The following B3GALT1 variants were observed in gnomAD, a reference collection of about 807,000 sequenced individuals.
B3GALT1 encodes the protein UDP-Gal:betaGlcNAc beta 1,3-galactosyltransferase, polypeptide 1.
Under a neutral mutation model 23.2 loss-of-function variants are expected in B3GALT1, and 10 were observed. The observed-to-expected ratio is 0.43, with a 90% CI of 0.27 to 0.73. The LOEUF is 0.73. Ranked by LOEUF, B3GALT1 falls within the 30% of genes least tolerant of loss-of-function variation. B3GALT1 has a pLI of 0.21. For missense variants in B3GALT1, 299 were observed against 405.4 expected (o/e 0.74, Z 2.25); for synonymous variants, 156 against 141.5 (o/e 1.10, Z -0.73).
chr2:167,296,871 T>A (rs1299037910), intron 1 of B3GALT1, among the ~76,000 whole-genome samples: 1 of 152,148 alleles, frequency 6.6e-6, no homozygotes. Flanking sequence ...TTATATAGAA[T>A]ATTTATCTCC....
At chr2:167,788,526 G>A (rs934131479) in intron 3 of B3GALT1, among the ~76,000 whole-genome samples, 1 of 152,032 alleles carries the variant, frequency 6.6e-6, no homozygotes, top group Non-Finnish European at 1.5e-5. Flanking sequence ...TACATGCACA[G>A]TTCACAATAG....
intron 1 of B3GALT1, among the ~76,000 whole-genome samples, chr2:167,336,229 A>G (rs1697055887): frequency 6.6e-6 from 1 of 152,098 alleles, no homozygotes; most frequent in South Asian, 2.1e-4. Context: ...GTTTTATGTA[A>G]TCTAAGATGA....
At chr2:167,600,613 T>A (rs956885383) in intron 2 of B3GALT1, among the ~76,000 whole-genome samples, 1 of 152,186 alleles carries the variant, frequency 6.6e-6, no homozygotes, top group Non-Finnish European at 1.5e-5. Context: ...TTGCTGGATA[T>A]CTCATATAAT....
intron 2 of B3GALT1, among the ~76,000 whole-genome samples, chr2:167,615,289 C>T (rs1685141065): frequency 6.6e-6 from 1 of 151,930 alleles, no homozygotes; most frequent in Non-Finnish European, 1.5e-5. Flanking sequence ...CACAGAAAGA[C>T]AAATACTGTG....
chr2:167,611,232 A>G (rs1685060981), intron 2 of B3GALT1, among the ~76,000 whole-genome samples: 1 of 151,998 alleles, frequency 6.6e-6, no homozygotes, highest in Non-Finnish European at 1.5e-5. Flanking sequence ...ATTAATTTTA[A>G]TTGAGAAGTT....
chr2:167,644,211 G>A (rs1685704579), intron 2 of B3GALT1, among the ~76,000 whole-genome samples: 1 of 152,114 alleles, frequency 6.6e-6, no homozygotes, highest in South Asian at 2.1e-4. Context: ...GGAGTAAATG[G>A]TCAAAAGTCA....
intron 2 of B3GALT1, among the ~76,000 whole-genome samples, chr2:167,572,823 G>A (rs1684319642): frequency 6.6e-6 from 1 of 151,796 alleles, no homozygotes; most frequent in Admixed American, 6.6e-5. Context: ...AATGACTTTT[G>A]AAGGGACTAG....
At chr2:167,705,278 T>C (rs891378635) in intron 3 of B3GALT1, among the ~76,000 whole-genome samples, 1 of 152,242 alleles carries the variant, frequency 6.6e-6, no homozygotes, top group African/African-American at 2.4e-5. Flanking sequence ...AGCTGACTTA[T>C]GATAGCTATT....
At chr2:167,776,312 G>A (rs547972008) in intron 3 of B3GALT1, among the ~76,000 whole-genome samples, 111 of 152,208 alleles carry the variant, frequency 7.3e-4, no homozygotes, top group African/African-American at 2.6e-3. Flanking sequence ...ACTATGCTCC[G>A]ACAGAAATGG....
chr2:167,837,526 G>GCAAGT (rs1278729477), intron 4 of B3GALT1, among the ~76,000 whole-genome samples: 2 of 150,940 alleles, frequency 1.3e-5, no homozygotes, highest in African/African-American at 4.9e-5. Context: ...GATTCATAAA[G>GCAAGT]CAAGTCCTGA....
chr2:167,361,956 C>A (rs764853645), intron 1 of B3GALT1, among the ~76,000 whole-genome samples: 1 of 152,012 alleles, frequency 6.6e-6, no homozygotes, highest in Non-Finnish European at 1.5e-5. Flanking sequence ...CGCCCTTGGT[C>A]CCAGCTACTC....
chr2:167,626,192 G>A (rs1685341220), intron 2 of B3GALT1, among the ~76,000 whole-genome samples: 1 of 151,198 alleles, frequency 6.6e-6, no homozygotes, highest in Non-Finnish European at 1.5e-5. Context: ...TAAAGTGACA[G>A]TGGACCTTAG....
At chr2:167,312,205 T>C (rs549559671) in intron 1 of B3GALT1, among the ~76,000 whole-genome samples, 18 of 151,960 alleles carry the variant, frequency 1.2e-4, no homozygotes, top group South Asian at 4.2e-4. Flanking sequence ...CCCAGAGACG[T>C]AGGAAGCAGT....
intron 1 of B3GALT1, among the ~76,000 whole-genome samples, chr2:167,415,331 C>T (rs1052385557): frequency 3.3e-5 from 5 of 152,202 alleles, no homozygotes; most frequent in African/African-American, 1.2e-4. Context: ...CAGGTCTCTG[C>T]AGGAAATCCC....
intron 1 of B3GALT1, among the ~76,000 whole-genome samples, chr2:167,434,340 A>T (rs1175276353): frequency 6.6e-6 from 1 of 152,268 alleles, no homozygotes; most frequent in East Asian, 1.9e-4. Flanking sequence ...CAAAAGTAGG[A>T]AGACTTCCAC....
Position 167,868,916 on chromosome 2 carries a change from C to A in B3GALT1, c.-124C>A, listed in dbSNP as rs771696873. ...GCCACTGAGGCCCATGGACAATCTC[C>A]ACCTCACGCTTCTCTATCAAACTTG... On this transcript the variant is annotated 5_prime_UTR_variant, in exon 5 of 5. Coordinates refer to ENST00000392690, the MANE Select transcript of B3GALT1 (RefSeq NM_020981.4). 1 of 1,187,890 alleles carries A rather than the reference C, an allele frequency of 8.4e-7. No homozygotes were observed. The highest frequency in any genetic ancestry group is 1.2e-6 in the Non-Finnish European group (1 of 850,190). 73.6% of individuals were successfully genotyped at this position (1,187,890 alleles called of 1,614,324 possible). A position where few individuals can be genotyped will look rare whatever the true frequency, so the allele number is the denominator to read the frequency against.
At chr2:167,351,862 A>G (rs2105255903) in intron 1 of B3GALT1, among the ~76,000 whole-genome samples, 1 of 152,258 alleles carries the variant, frequency 6.6e-6, no homozygotes, top group East Asian at 1.9e-4. Flanking sequence ...CTCTTGACAC[A>G]GGTAATAAAC....
At chr2:167,618,948 T>A (rs1685210209) in intron 2 of B3GALT1, among the ~76,000 whole-genome samples, 1 of 151,982 alleles carries the variant, frequency 6.6e-6, no homozygotes, top group African/African-American at 2.4e-5. Context: ...TGTTACCTTT[T>A]TTTTTTCTTT....
rs10165858 is a variant in B3GALT1 at position 167,575,163 on chromosome 2, T to G, written c.-409-71746T>G. On this transcript the variant is annotated intron_variant, in intron 2 of 4. Coordinates refer to ENST00000392690, the MANE Select transcript of B3GALT1 (RefSeq NM_020981.4). ...TTATAAGGATGAAATAAGTAATACATGTAAATATGAAGAAGAATAGCTGAA... is the reference window on the plus strand; with the variant it reads ...TTATAAGGATGAAATAAGTAATACAGGTAAATATGAAGAAGAATAGCTGAA... 9.6e-3 allele frequency among the ~76,000 whole-genome samples: 1,463 copies of G among 151,872 alleles called. 20 individuals are homozygous for G. The highest frequency in any genetic ancestry group is 0.033 in the African/African-American group (1,386 of 41,500).
Sources: gnomAD v4.1 joint callset for allele counts (sites outside exome capture counted in the v4.1 genomes callset) on GRCh38, gnomAD v4.1.1 for gene constraint, MANE v1.5 for transcripts, NCBI Gene and HGNC (gene_info 2026-07-23, HGNC 2026-07-21) for gene names.